The following SH3D19 variants were observed in gnomAD, a reference collection of about 807,000 sequenced individuals.
SH3D19 encodes the protein SH3 domain containing 19, also known as SH3 domain-containing protein 19.
A neutral mutation model predicts 112.1 loss-of-function variants in SH3D19; 58 were observed. That is an observed-to-expected ratio of 0.52 (90% CI 0.42 to 0.64). The LOEUF (loss-of-function observed/expected upper bound fraction) is 0.64, where lower values mean the gene tolerates loss of function less well. Among genes scored for constraint, SH3D19 ranks in the 30% least tolerant of loss-of-function variants. SH3D19 has a pLI of 0.00. For synonymous variants in SH3D19, 391 were observed against 448.5 expected (o/e 0.87, Z 1.62); for missense variants, 1,090 against 1,263.4 (o/e 0.86, Z 2.08).
chr4:151,195,215 G>A (rs1331664864), intron 2 of SH3D19, among the ~76,000 whole-genome samples: 3 of 150,020 alleles, frequency 2.0e-5, no homozygotes, highest in East Asian at 2.0e-4. Context: ...TTAAAAATAC[G>A]AAAAAAATTA....
intron 8 of SH3D19, among the ~76,000 whole-genome samples, chr4:151,163,156 C>A (rs1009830377): frequency 4.6e-5 from 7 of 152,182 alleles, no homozygotes; most frequent in African/African-American, 1.7e-4. Context: ...CTGACTCCAC[C>A]AGTAGAAGAC....
chr4:151,159,528 T>A (rs1227035017), intron 8 of SH3D19, among the ~76,000 whole-genome samples, 176 bp from the exon 9 acceptor site: 1 of 152,230 alleles, frequency 6.6e-6, no homozygotes, highest in East Asian at 1.9e-4. Flanking sequence ...TTAGTCAACA[T>A]CAGTTAATTT....
At chr4:151,157,238 T>C (rs113817803) in intron 9 of SH3D19, among the ~76,000 whole-genome samples, 1 of 147,990 alleles carries the variant, frequency 6.8e-6, no homozygotes, top group Non-Finnish European at 1.5e-5. Context: ...GGAGACAGAG[T>C]AAGACCCTAT....
intron 1 of SH3D19, among the ~76,000 whole-genome samples, chr4:151,267,997 G>A (rs1772940005): frequency 6.6e-6 from 1 of 152,194 alleles, no homozygotes; most frequent in South Asian, 2.1e-4. Context: ...CAGATGCTAA[G>A]TACATGACAT....
chr4:151,181,935 G>A (rs1761004803), intron 3 of SH3D19, among the ~76,000 whole-genome samples: 1 of 151,886 alleles, frequency 6.6e-6, no homozygotes, highest in South Asian at 2.1e-4. Context: ...ATTTGTCTGT[G>A]CAGACCAGGA....
chr4:151,295,778 C>A (rs1417322914), intron 1 of SH3D19, among the ~76,000 whole-genome samples: 1 of 152,150 alleles, frequency 6.6e-6, no homozygotes, highest in Non-Finnish European at 1.5e-5. Flanking sequence ...TGGCTTACGC[C>A]TATAATCCCA....
At chr4:151,209,029 C>T (rs539035126) in intron 2 of SH3D19, among the ~76,000 whole-genome samples, 29 of 152,188 alleles carry the variant, frequency 1.9e-4, no homozygotes, top group African/African-American at 6.5e-4. Flanking sequence ...CTGGTTGAAC[C>T]CTGACTGATA....
At chr4:151,317,826 C>T (rs1001992567) in intron 1 of SH3D19, among the ~76,000 whole-genome samples, 15 of 151,530 alleles carry the variant, frequency 9.9e-5, no homozygotes, top group African/African-American at 3.6e-4. Context: ...ATACAAAAAT[C>T]AGCCAACGTG....
intron 1 of SH3D19, among the ~76,000 whole-genome samples, chr4:151,295,353 T>C (rs990325103): frequency 5.3e-5 from 8 of 152,198 alleles, no homozygotes; most frequent in Non-Finnish European, 1.2e-4. Flanking sequence ...GGCACTGAAG[T>C]AGAGCTGAGT....
chr4:151,169,490 A>T (rs1758675824), intron 7 of SH3D19, among the ~76,000 whole-genome samples: 1 of 152,138 alleles, frequency 6.6e-6, no homozygotes, highest in Non-Finnish European at 1.5e-5. Context: ...TGGGGAGGAT[A>T]AACAGCATCA....
chr4:151,251,068 C>A (rs1771340979), intron 1 of SH3D19, among the ~76,000 whole-genome samples: 1 of 152,182 alleles, frequency 6.6e-6, no homozygotes, highest in African/African-American at 2.4e-5. Flanking sequence ...AATGATTTTT[C>A]ACCAGACCTT....
At chr4:151,202,548 C>T (rs1764541107) in intron 2 of SH3D19, among the ~76,000 whole-genome samples, 1 of 152,162 alleles carries the variant, frequency 6.6e-6, no homozygotes, top group African/African-American at 2.4e-5. Flanking sequence ...TAACCAATAT[C>T]TATGTCACCA....
chr4:151,248,478 GCTTCAAAGTTCT>G (rs1489819403), intron 1 of SH3D19, among the ~76,000 whole-genome samples: 5 of 152,118 alleles, frequency 3.3e-5, no homozygotes, highest in Non-Finnish European at 7.4e-5. Context: ...TCTGATTCTT[GCTTCAAAGTTCT>G]CTCCATAACA....
In SH3D19 at chr4:151,179,386, A is replaced by T; in HGVS notation, c.205T>A (p.Ser69Thr). 1.6e-6 allele frequency: 2 copies of T among 1,230,318 alleles called. No homozygotes were observed. Among genetic ancestry groups the T allele is most frequent in the Non-Finnish European group, 2.0e-6 (2 of 986,470 alleles). 76.2% of individuals were successfully genotyped at this position (1,230,318 alleles called of 1,614,324 possible). ...TCTCGATGAAGTTCACTCTGAATAG[A>T]AGTCCGAGAAGCTGTTGAAGAAGGA... ...RAVIKRSSRTSIQSELHRDRR... is the reference protein window; with the variant it reads ...RAVIKRSSRTTIQSELHRDRR... Residue 69 changes from serine (S) to threonine (T), a missense_variant, in exon 4 of 20, where the codon TCT (serine) becomes ACT (threonine). Ser to Thr is a moderately conservative substitution (Grantham distance 58). Transcript: ENST00000604030.
rs1421893745 is a variant in SH3D19, at chr4:151,138,688, A to T, written c.2297-826T>A. 4.0e-4 allele frequency among the ~76,000 whole-genome samples: 4 copies of T among 9,966 alleles called. No homozygotes were observed. The African/African-American group carries it at 6.9e-3, about 17-fold the overall frequency. The allele number at this position is 9,966 out of a possible 152,430, so 6.5% of individuals were successfully genotyped here. ...AGGCGACAGAGCAAGATCTTGTCTC[A>T]CACACACACACACACACACACACAC... On this transcript the variant is annotated intron_variant, in intron 13 of 19. Transcript: ENST00000604030.
chr4:151,247,389 G>C (rs567102754), intron 1 of SH3D19, among the ~76,000 whole-genome samples: 5 of 152,286 alleles, frequency 3.3e-5, no homozygotes, highest in African/African-American at 1.2e-4. Context: ...AAGGAGGGTA[G>C]CTCTATGACA....
chr4:151,194,755 G>A (rs992632491), intron 2 of SH3D19, among the ~76,000 whole-genome samples: 7 of 150,998 alleles, frequency 4.6e-5, no homozygotes, highest in African/African-American at 7.3e-5. Flanking sequence ...TTCATTTTTC[G>A]TCAAACGATT....
chr4:151,248,576 G>A (rs111660485), intron 1 of SH3D19, among the ~76,000 whole-genome samples: 41 of 152,228 alleles, frequency 2.7e-4, no homozygotes, highest in Middle Eastern at 3.4e-3. Context: ...GAATAATCCA[G>A]TCAGTAGCAT....
At position 151,159,223 on chromosome 4, in the gene SH3D19, C is replaced by A; in HGVS notation, c.1755+17G>T. 7.2e-7 allele frequency: 1 copy of A among 1,383,890 alleles called. No individual in the cohort carries two copies. Among genetic ancestry groups the A allele is most frequent in the Non-Finnish European group, 9.8e-7 (1 of 1,018,894 alleles). 85.7% of individuals were successfully genotyped at this position (1,383,890 alleles called of 1,614,324 possible). A position where few individuals can be genotyped will look rare whatever the true frequency, so the allele number is the denominator to read the frequency against. Reference sequence around the variant, plus strand: ...AGCTACGTCTTCAATCTAGTACAATCTATAATGACCACTTACCAAGTTTCT... The same window carrying A: ...AGCTACGTCTTCAATCTAGTACAATATATAATGACCACTTACCAAGTTTCT... On this transcript the variant is annotated intron_variant, in intron 9 of 19. Coordinates refer to ENST00000604030, the MANE Select transcript of SH3D19 (RefSeq NM_001378122.1).
Sources: allele counts gnomAD v4.1 joint callset (sites outside exome capture counted in the v4.1 genomes callset), GRCh38; gene constraint gnomAD v4.1.1; transcripts MANE v1.5; gene names NCBI Gene and HGNC (gene_info 2026-07-23, HGNC 2026-07-21).